The following WDR59 variants were observed in gnomAD, a reference collection of about 807,000 sequenced individuals.
The protein encoded by WDR59 is WD repeat domain 59.
A neutral mutation model predicts 131.2 loss-of-function variants in WDR59; 100 were observed. That is an observed-to-expected ratio of 0.76 (90% confidence interval 0.65 to 0.90). The LOEUF is 0.90. Among genes scored for constraint, WDR59 ranks in the 40% least tolerant of loss-of-function variants. The pLI is 0.00. For missense variants in WDR59, 1,203 were observed against 1,262.2 expected, an observed-to-expected ratio of 0.95 and a Z score of 0.71; for synonymous variants, 601 against 466.2, an observed-to-expected ratio of 1.29 and a Z score of -3.72.
At position 74,871,814 on chromosome 16, in the gene WDR59, T is replaced by G. The variant is rs1426165814; in HGVS notation, c.*2395A>C. On this transcript the variant is annotated 3_prime_UTR_variant, in exon 26 of 26. Transcript: ENST00000262144. ...TGTATGCAAATTCCCGGCTGGGCCT[T>G]CTCCTGTCATCCTCCCAGCGGCTCC... The G allele has an allele frequency of 6.6e-6, 1 of 152,252 alleles. No individual in the cohort carries two copies. The highest frequency in any genetic ancestry group is 1.9e-4 in the East Asian group (1 of 5,198). 9.4% of individuals were successfully genotyped at this position (152,252 alleles called of 1,614,324 possible).
At chr16:74,905,477 C>T (rs1453673395) in intron 17 of WDR59, among the ~76,000 whole-genome samples, 1 of 151,428 alleles carries the variant, frequency 6.6e-6, no homozygotes, top group Non-Finnish European at 1.5e-5. Flanking sequence ...GTCAGGAAAT[C>T]GAGACCATCC....
intron 17 of WDR59, among the ~76,000 whole-genome samples, chr16:74,904,830 G>C (rs560947391): frequency 1.3e-5 from 2 of 152,262 alleles, no homozygotes; most frequent in South Asian, 4.1e-4. Flanking sequence ...AAGGAAAAAA[G>C]AGAGTCCAGA....
chr16:74,913,727 G>A (rs1199691888), intron 13 of WDR59, among the ~76,000 whole-genome samples: 1 of 152,174 alleles, frequency 6.6e-6, no homozygotes, highest in Non-Finnish European at 1.5e-5. Context: ...GTGCTCCTGG[G>A]AAAATCCATA....
rs745615725 is a variant in WDR59 at position 74,938,182 on chromosome 16, G to T, written c.619C>A (p.Leu207Ile). 1.1e-5 allele frequency: 17 copies of T among 1,577,586 alleles called. No individual in the cohort carries two copies. The highest frequency in any genetic ancestry group is 1.4e-5 in the Non-Finnish European group (16 of 1,162,714). The change falls in exon 8 of 26, where the codon CTT becomes ATT. Residue 207 changes from leucine (L) to isoleucine (I), a missense_variant. Transcript: ENST00000262144. ...LDWHPDSEHI[L>I]ATSSQDNSVK... ...GAATTGTCTTGACTGGAGGTAGCAAGAATGTGCTCGCTGTCTGGGTGCCAG... is the reference window on the plus strand; with the variant it reads ...GAATTGTCTTGACTGGAGGTAGCAATAATGTGCTCGCTGTCTGGGTGCCAG...
intron 5 of WDR59, among the ~76,000 whole-genome samples, chr16:74,948,953 G>A (rs1364518833): frequency 1.3e-5 from 2 of 152,008 alleles, no homozygotes; most frequent in Admixed American, 6.6e-5. Context: ...AGCCAAGATC[G>A]TGCCATTGCA....
Position 74,872,350 on chromosome 16 carries a change from A to G in WDR59, c.*1859T>C, listed in dbSNP as rs1964025878. ...CAGAAATAGATATTTCAGTAGAAAT[A>G]ATAAAAAAGATTTCTTTTCACTGGC... On this transcript the variant is annotated 3_prime_UTR_variant, in exon 26 of 26. Transcript: ENST00000262144. 1 of 152,190 alleles carries G rather than the reference A, an allele frequency of 6.6e-6. No homozygotes were observed. Among genetic ancestry groups the G allele is most frequent in the South Asian group, 2.1e-4 (1 of 4,834 alleles). 9.4% of individuals were successfully genotyped at this position (152,190 alleles called of 1,614,324 possible).
intron 18 of WDR59, chr16:74,899,590 C>CA: frequency 1.1e-6 from 1 of 924,822 alleles, no homozygotes; most frequent in Non-Finnish European, 1.5e-6. Context: ...CTGAAAACAG[C>CA]TCGCCTGTCA....
chr16:74,923,899 T>C, intron 9 of WDR59, 27 bp downstream of exon 9: 1 of 1,604,436 alleles, frequency 6.2e-7, no homozygotes, highest in Admixed American at 1.7e-5. Flanking sequence ...AGAAGTTTCT[T>C]ATCAAGAGGC....
At position 74,926,278 on chromosome 16, in the gene WDR59, G is replaced by A. The variant is rs536036867; in HGVS notation, c.652-2275C>T. 1.6e-4 allele frequency among the ~76,000 whole-genome samples: 25 copies of A among 152,102 alleles called. No homozygotes were observed. The East Asian group carries it at 4.8e-3, about 29-fold the overall frequency. The stretch of plus-strand genomic sequence containing the variant: ...GTTTCACCATGGCCAGGCTGGTCTC[G>A]AACTCCTGACCTCAGGTGATCTGCC... On this transcript the variant is annotated intron_variant, in intron 8 of 25. Coordinates refer to ENST00000262144, the MANE Select transcript of WDR59 (RefSeq NM_030581.4).
chr16:74,873,204 C>G lies in WDR59; in HGVS notation c.*1005G>C, dbSNP rs1964045673. The G allele has an allele frequency of 6.6e-6, 1 of 152,240 alleles. No individual in the cohort carries two copies. Among genetic ancestry groups the G allele is most frequent in the African/African-American group, 2.4e-5 (1 of 41,416 alleles). The allele number at this position is 152,240 out of a possible 1,614,324, so 9.4% of individuals were successfully genotyped here. On this transcript the variant is annotated 3_prime_UTR_variant, in exon 26 of 26. Transcript: ENST00000262144. ...GGATTACAGGCATGAGCCACCGTGC[C>G]CGGCCTATTTTTTAAATTTTTTGCA... is the stretch of plus-strand genomic sequence containing the variant.
intron 1 of WDR59, among the ~76,000 whole-genome samples, chr16:74,981,631 T>TACATAC (rs545176557): frequency 1.7e-4 from 1 of 5,798 alleles, no homozygotes; most frequent in African/African-American, 5.1e-4. Context: ...TATATATATA[T>TACATAC]ATATATATAT....
At chr16:74,969,376 G>T (rs2145208351) in intron 1 of WDR59, among the ~76,000 whole-genome samples, 1 of 151,776 alleles carries the variant, frequency 6.6e-6, no homozygotes, top group South Asian at 2.1e-4. Context: ...AGGTTCAAGT[G>T]ATTCTCAGGC....
Position 74,966,175 on chromosome 16 carries a change from G to C in WDR59, c.55-353C>G, listed in dbSNP as rs147288788. Among the ~76,000 whole-genome samples, 639 of 152,120 alleles carry C rather than the reference G, an allele frequency of 4.2e-3. 2 individuals carry two copies. Among genetic ancestry groups the C allele is most frequent in the African/African-American group, 0.015 (605 of 41,500 alleles). On this transcript the variant is annotated intron_variant, in intron 1 of 25. Transcript: ENST00000262144. ...ACCAAGACTACATGCAACCAAGCTG[G>C]TACATTCTAAATTGAAAAGACAGGC...
intron 2 of WDR59, among the ~76,000 whole-genome samples, chr16:74,962,541 G>T (rs913495675): frequency 6.6e-6 from 1 of 151,984 alleles, no homozygotes; most frequent in Non-Finnish European, 1.5e-5. Context: ...TATTCTCTTT[G>T]TAACAATTGC....
At chr16:74,937,530 C>T (rs762362041) in intron 8 of WDR59, among the ~76,000 whole-genome samples, 8 of 152,190 alleles carry the variant, frequency 5.3e-5, no homozygotes, top group Non-Finnish European at 1.2e-4. Context: ...GAGGCAGAGG[C>T]TCGCTCGGTC....
At chr16:74,971,320 G>T (rs759604103) in intron 1 of WDR59, among the ~76,000 whole-genome samples, 1 of 149,048 alleles carries the variant, frequency 6.7e-6, no homozygotes, top group Non-Finnish European at 1.5e-5. Context: ...ACAAAATTTT[G>T]TTTCTGACAG....
rs1193347274 is a variant in WDR59, at chr16:74,872,965, A to C, written c.*1244T>G. The C allele has an allele frequency of 6.6e-6, 1 of 151,778 alleles. No homozygotes were observed. The highest frequency in any genetic ancestry group is 1.9e-4 in the East Asian group (1 of 5,166). The allele number at this position is 151,778 out of a possible 1,614,324, so 9.4% of individuals were successfully genotyped here. A position where few individuals can be genotyped will look rare whatever the true frequency, so the allele number is the denominator to read the frequency against. On this transcript the variant is annotated 3_prime_UTR_variant, in exon 26 of 26. Coordinates refer to ENST00000262144, the MANE Select transcript of WDR59 (RefSeq NM_030581.4). ...ACTCTTGTCACCCAGGCTGGAGTGC[A>C]ATGGCATAATCTCAGCTCGCTGCAA... is the stretch of plus-strand genomic sequence containing the variant.
chr16:74,943,970 G>T (rs2032422181), intron 6 of WDR59, among the ~76,000 whole-genome samples: 1 of 152,192 alleles, frequency 6.6e-6, no homozygotes, highest in South Asian at 2.1e-4. Flanking sequence ...ATGAAGCAAG[G>T]AAGAGTATTA....
intron 20 of WDR59, among the ~76,000 whole-genome samples, chr16:74,891,856 G>A (rs1453774111): frequency 6.6e-6 from 1 of 152,134 alleles, no homozygotes; most frequent in Admixed American, 6.5e-5. Flanking sequence ...CCCGGGAGGC[G>A]GAGGTTGTGG....
Sources: allele counts gnomAD v4.1 joint callset (sites outside exome capture counted in the v4.1 genomes callset), GRCh38; gene constraint gnomAD v4.1.1; transcripts MANE v1.5; gene names NCBI Gene and HGNC (gene_info 2026-07-23, HGNC 2026-07-21).